Variants in MMP2 observed in about 807,000 individuals in gnomAD.
MMP2 encodes the protein matrix metallopeptidase 2.
In MMP2, 39 loss-of-function variants were observed where a neutral mutation model predicts 74.8. That is an observed-to-expected ratio of 0.52 (90% CI 0.40 to 0.68). The LOEUF (loss-of-function observed/expected upper bound fraction) is 0.68, where lower values mean the gene tolerates loss of function less well. Ranked by LOEUF, MMP2 falls within the 30% of genes least tolerant of loss-of-function variation. The pLI, the probability that MMP2 is intolerant of heterozygous loss-of-function variation, is 0.00. For missense variants in MMP2, 803 were observed against 878.3 expected (o/e 0.91, Z 1.08); for synonymous variants, 367 against 339.8 (o/e 1.08, Z -0.88).
chr16:55,485,066 A>T (rs747615191), intron 3 of MMP2, among the ~76,000 whole-genome samples: 5 of 152,168 alleles, frequency 3.3e-5, no homozygotes, highest in African/African-American at 4.8e-5. Flanking sequence ...GGTAGAGGGT[A>T]TGGATACTGG....
In MMP2 at chr16:55,493,077, G is replaced by C. The variant is rs1379388831; in HGVS notation, c.1337-81G>C. The C allele has an allele frequency of 4.5e-6, 7 of 1,558,274 alleles. No homozygotes were observed. The South Asian group carries it at 4.5e-5, about 10-fold the overall frequency. On this transcript the variant is annotated intron_variant, in intron 8 of 12. Coordinates refer to ENST00000219070, the MANE Select transcript of MMP2 (RefSeq NM_004530.6). ...GATTTCTTCTGACTCTTAGATGGTT[G>C]GGTGGGCACCCCTGGGGGCTCACCC...
Position 55,505,757 on chromosome 16 carries a change from C to T in MMP2, c.*315C>T. 2.3e-6 allele frequency: 1 copy of T among 426,518 alleles called. No individual in the cohort carries two copies. The highest frequency in any genetic ancestry group is 4.4e-6 in the Non-Finnish European group (1 of 227,952). 26.4% of individuals were successfully genotyped at this position (426,518 alleles called of 1,614,324 possible). On this transcript the variant is annotated 3_prime_UTR_variant, in exon 13 of 13. Coordinates refer to ENST00000219070, the MANE Select transcript of MMP2 (RefSeq NM_004530.6). ...GGGCTGCCCTGGTGCTGCCACACTT[C>T]AGGCTCTTCTCCTTTCACAACCTTC...
chr16:55,484,088 G>T lies in MMP2; in HGVS notation c.453G>T (p.Trp151Cys), dbSNP rs763794026. 6.2e-7 allele frequency: 1 copy of T among 1,614,186 alleles called. No individual in the cohort carries two copies. The highest frequency in any genetic ancestry group is 2.2e-5 in the East Asian group (1 of 44,882). ...CCTTTGCTCGTGCCTTCCAAGTCTG[G>T]AGCGATGTGACCCCACTGCGGTTTT... ...DDAFARAFQV[W>C]SDVTPLRFSR... The change falls in exon 3 of 13, where the codon TGG (tryptophan) becomes TGT (cysteine). Residue 151 changes from tryptophan to cysteine, a missense_variant. Physicochemically the swap from Trp to Cys is radical, Grantham distance 215 (BLOSUM62 -2). This residue lies in a region of MMP2 where 223 missense variants were observed against 232.8 expected (regional missense o/e 0.96). Coordinates refer to ENST00000219070, the MANE Select transcript of MMP2 (RefSeq NM_004530.6).
chr16:55,502,667 T>C lies in MMP2; in HGVS notation c.1770-112T>C, dbSNP rs543901194. 18 of 905,486 alleles carry C rather than the reference T, an allele frequency of 2.0e-5. No individual in the cohort carries two copies. In the Admixed American group the frequency reaches 2.3e-4, roughly 12 times the overall value. The allele number at this position is 905,486 out of a possible 1,614,324, so 56.1% of individuals were successfully genotyped here. Reference sequence around the variant, plus strand: ...CTGGCTGCTTCCCTGAAGGGCTAGGTCCAGTTTCCGAGGCCTATCCAGGAG... The same window carrying C: ...CTGGCTGCTTCCCTGAAGGGCTAGGCCCAGTTTCCGAGGCCTATCCAGGAG... On this transcript the variant is annotated intron_variant, in intron 11 of 12. Coordinates refer to ENST00000219070, the MANE Select transcript of MMP2 (RefSeq NM_004530.6).
At chr16:55,491,994 G>C in intron 8 of MMP2, 38 bp downstream of exon 8, 1 of 1,281,224 alleles carries the variant, frequency 7.8e-7, no homozygotes, top group Non-Finnish European at 1.1e-6. Flanking sequence ...GGAGGGTGAG[G>C]AGGGGGGAGG....
chr16:55,505,196 C>A, intron 12 of MMP2, 143 bp from the exon 13 acceptor site: 1 of 785,838 alleles, frequency 1.3e-6, no homozygotes, highest in Middle Eastern at 2.6e-4. Context: ...CTCAAGCAAT[C>A]CTCCTGCCTC....
chr16:55,493,785 A>G (rs1962471687), intron 9 of MMP2, among the ~76,000 whole-genome samples: 1 of 152,222 alleles, frequency 6.6e-6, no homozygotes, highest in Non-Finnish European at 1.5e-5. Flanking sequence ...GGAGGGAAGA[A>G]TTGGGAACCA....
At position 55,485,340 on chromosome 16, in the gene MMP2, C is replaced by T. The variant is rs778965210; in HGVS notation, c.571C>T (p.Leu191=). ...GYPFDGKDGL[L]AHAFAPGTGV... Reference sequence around the variant, plus strand: ...CCCCTTTGACGGTAAGGACGGACTCCTGGCTCATGCCTTCGCCCCAGGCAC... The same window carrying T: ...CCCCTTTGACGGTAAGGACGGACTCTTGGCTCATGCCTTCGCCCCAGGCAC... Residue 191 remains leucine (L), a synonymous_variant, in exon 4 of 13, where the codon CTG becomes TTG. Coordinates refer to ENST00000219070, the MANE Select transcript of MMP2 (RefSeq NM_004530.6). The T allele has an allele frequency of 6.2e-7, 1 of 1,614,146 alleles. No homozygotes were observed. Among genetic ancestry groups the T allele is most frequent in the Non-Finnish European group, 8.5e-7 (1 of 1,180,024 alleles).
chr16:55,484,981 A>G (rs1161652835), intron 3 of MMP2, among the ~76,000 whole-genome samples: 1 of 152,052 alleles, frequency 6.6e-6, no homozygotes, highest in African/African-American at 2.4e-5. Context: ...GATGATGAAG[A>G]TGGGGTGAGG....
Position 55,485,419 on chromosome 16 carries a change from A to T in MMP2, c.650A>T (p.Glu217Val), listed in dbSNP as rs770359047. Residue 217 changes from glutamate to valine, a missense_variant, in exon 4 of 13, where the codon GAA (glutamate) becomes GTA (valine). This residue lies in a region of MMP2 where 555 missense variants were observed against 592.0 expected (regional missense o/e 0.94). Coordinates refer to ENST00000219070, the MANE Select transcript of MMP2 (RefSeq NM_004530.6). ...GACGATGAGCTATGGACCTTGGGAGAAGGCCAAGGTGAGAAAGGGGCCCTC... is the reference window on the plus strand; with the variant it reads ...GACGATGAGCTATGGACCTTGGGAGTAGGCCAAGGTGAGAAAGGGGCCCTC... Reference protein sequence around the residue: ...FDDDELWTLGEGQVVRVKYGN... With the variant: ...FDDDELWTLGVGQVVRVKYGN... 3 of 1,613,926 alleles carry T rather than the reference A, an allele frequency of 1.9e-6. No homozygotes were observed. The highest frequency in any genetic ancestry group is 2.5e-6 in the Non-Finnish European group (3 of 1,179,968).
Position 55,505,417 on chromosome 16 carries a change from T to C in MMP2, c.1958T>C (p.Ile653Thr). ...CTGAAGAGCGTGAAGTTTGGAAGCA[T>C]CAAATCCGACTGGCTAGGCTGCTGA... is the stretch of plus-strand genomic sequence containing the variant. ...QSLKSVKFGS[I>T]KSDWLGC The change falls in exon 13 of 13, where the codon ATC (isoleucine) becomes ACC (threonine). Residue 653 changes from isoleucine (I) to threonine (T), a missense_variant. Ile to Thr is a moderately conservative substitution (Grantham distance 89, BLOSUM62 -1). Coordinates refer to ENST00000219070, the MANE Select transcript of MMP2 (RefSeq NM_004530.6). 1 of 1,613,986 alleles carries C rather than the reference T, an allele frequency of 6.2e-7. No homozygotes were observed. Among genetic ancestry groups the C allele is most frequent in the Non-Finnish European group, 8.5e-7 (1 of 1,179,968 alleles).
chr16:55,496,982 C>G lies in MMP2; in HGVS notation c.1529C>G (p.Ala510Gly). The G allele has an allele frequency of 6.2e-7, 1 of 1,614,170 alleles. No homozygotes were observed. The highest frequency in any genetic ancestry group is 8.5e-7 in the Non-Finnish European group (1 of 1,180,032). ...RDKPMGPLLV[A>G]TFWPELPEKI... is the part of the protein sequence containing the mutation. ...AAGCCCATGGGGCCCCTGCTGGTGG[C>G]CACATTCTGGCCTGAGCTCCCGGAA... The change falls in exon 10 of 13, where the codon GCC (alanine) becomes GGC (glycine). Residue 510 changes from alanine (A) to glycine (G), a missense_variant. Around this residue, in one of 3 missense-constraint regions of MMP2, gnomAD observed 555 missense variants for 592.0 expected, o/e 0.94. Coordinates refer to ENST00000219070, the MANE Select transcript of MMP2 (RefSeq NM_004530.6).
At chr16:55,492,875 C>T (rs1007898730) in intron 8 of MMP2, among the ~76,000 whole-genome samples, 6 of 152,104 alleles carry the variant, frequency 3.9e-5, no homozygotes, top group Non-Finnish European at 8.8e-5. Context: ...TTTTCTGGGC[C>T]TCAGTTTCCT....
chr16:55,485,770 C>A lies in MMP2; in HGVS notation c.825C>A (p.Pro275=), dbSNP rs755528666. 2 of 1,613,624 alleles carry A rather than the reference C, an allele frequency of 1.2e-6. No individual in the cohort carries two copies. Among genetic ancestry groups the A allele is most frequent in the Non-Finnish European group, 1.7e-6 (2 of 1,180,020 alleles). ...AGGATGGCAAGTACGGCTTCTGTCC[C>A]CATGAAGGTGAGCATCCACTCTAGT... is the stretch of plus-strand genomic sequence containing the variant. ...FEKDGKYGFC[P]HEALFTMGGN... Residue 275 remains proline (P), a synonymous_variant, in exon 5 of 13, where the codon CCC becomes CCA. Transcript: ENST00000219070.
At chr16:55,482,305 T>C (rs1475346363) in intron 1 of MMP2, among the ~76,000 whole-genome samples, 2 of 152,218 alleles carry the variant, frequency 1.3e-5, no homozygotes, top group African/African-American at 2.4e-5. Flanking sequence ...AAATGGCTGA[T>C]TCAGGATTTA....
chr16:55,488,613 C>T lies in MMP2; in HGVS notation c.903C>T (p.Ser301=). Residue 301 remains serine (S), a synonymous_variant, in exon 6 of 13, where the codon TCC becomes TCT. Transcript: ENST00000219070. ...TTCCATTCCGCTTCCAGGGCACATC[C>T]TATGACAGCTGCACCACTGAGGGCC... is the stretch of plus-strand genomic sequence containing the variant. ...CKFPFRFQGT[S]YDSCTTEGRT... 4 of 1,613,984 alleles carry T rather than the reference C, an allele frequency of 2.5e-6. No individual in the cohort carries two copies. Among genetic ancestry groups the T allele is most frequent in the African/African-American group, 1.3e-5 (1 of 75,026 alleles).
At chr16:55,500,833 GGA>G (rs1263597545) in intron 11 of MMP2, among the ~76,000 whole-genome samples, 1 of 152,230 alleles carries the variant, frequency 6.6e-6, no homozygotes, top group Non-Finnish European at 1.5e-5. Flanking sequence ...TGCTGGAGAA[GGA>G]GAGAGAGCCC....
chr16:55,482,810 A>C (rs1014011043), intron 1 of MMP2, 99 bp from the exon 2 acceptor site: 2 of 1,019,224 alleles, frequency 2.0e-6, no homozygotes, highest in Non-Finnish European at 3.0e-6. Context: ...TGTCTGGACT[A>C]TGGCACTGGG....
chr16:55,491,634 C>A (rs1962407026), intron 7 of MMP2, among the ~76,000 whole-genome samples, 167 bp from the exon 8 acceptor site: 1 of 151,988 alleles, frequency 6.6e-6, no homozygotes, highest in Non-Finnish European at 1.5e-5. Context: ...GTGTATTGAT[C>A]CCAGAATTCT....
Sources: allele counts gnomAD v4.1 joint callset (sites outside exome capture counted in the v4.1 genomes callset), GRCh38; gene constraint gnomAD v4.1.1; regional missense constraint gnomAD v4.1.1; transcripts MANE v1.5; gene names NCBI Gene and HGNC (gene_info 2026-07-23, HGNC 2026-07-21).